Variants in MEGF10 observed in about 807,000 individuals in gnomAD.
MEGF10 encodes multiple epidermal growth factor-like domains protein 10.
In MEGF10, 86 loss-of-function variants were observed where a neutral mutation model predicts 147.5. The ratio of observed to expected loss-of-function variants is 0.58; its 90% CI spans 0.49 to 0.70. MEGF10 has a LOEUF of 0.70. Among genes scored for constraint, MEGF10 ranks in the 30% least tolerant of loss-of-function variants. The pLI, the probability that MEGF10 is intolerant of heterozygous loss-of-function variation, is 0.00. For synonymous variants in MEGF10, 478 were observed against 525.5 expected, an observed-to-expected ratio of 0.91 and a Z score of 1.24; for missense variants, 1,329 against 1,487.3, an observed-to-expected ratio of 0.89 and a Z score of 1.75.
intron 4 of MEGF10, among the ~76,000 whole-genome samples, chr5:127,358,337 G>A (rs1027832427): frequency 1.3e-5 from 2 of 152,146 alleles, no homozygotes; most frequent in African/African-American, 4.8e-5. Flanking sequence ...CTCTAATTAT[G>A]ACTTCCACTG....
intron 1 of MEGF10, among the ~76,000 whole-genome samples, chr5:127,326,150 A>G (rs1031449333): frequency 4.0e-5 from 6 of 151,800 alleles, no homozygotes; most frequent in African/African-American, 1.5e-4. Context: ...CCTGGGCTCA[A>G]GTCATCCTCC....
chr5:127,410,528 C>A lies in MEGF10; in HGVS notation c.1057C>A (p.Arg353Ser). Residue 353 changes from arginine (R) to serine (S), a missense_variant, in exon 9 of 25, where the codon CGC becomes AGC. Transcript: ENST00000503335. ...AGFAGERCEA[R>S]LCPEGLYGIK... ...CTTTGCTGGCGAGCGCTGCGAAGCA[C>A]GCCTGTGTCCTGAGGGGCTCTACGG... The A allele has an allele frequency of 6.2e-7, 1 of 1,613,724 alleles. No homozygotes were observed. Among genetic ancestry groups the A allele is most frequent in the Non-Finnish European group, 8.5e-7 (1 of 1,180,034 alleles).
intron 19 of MEGF10, among the ~76,000 whole-genome samples, chr5:127,445,043 A>G (rs72790438): frequency 0.1 from 15,356 of 152,268 alleles, 926 homozygotes; most frequent in Non-Finnish European, 0.13. Context: ...GGAAATATAT[A>G]AGAAGCTCTC....
At chr5:127,259,894 T>G in the MEGF10 span, among the ~76,000 whole-genome samples, 1,461 of 152,232 alleles carry the variant, frequency 9.6e-3, 18 homozygotes, top group African/African-American at 0.033. Flanking sequence ...CGGTGGCTCA[T>G]GCCTGTAATC....
the MEGF10 span, among the ~76,000 whole-genome samples, chr5:127,252,447 T>C: frequency 2.6e-5 from 4 of 151,862 alleles, no homozygotes; most frequent in African/African-American, 9.7e-5. Context: ...TTAAAAAGGA[T>C]GAAGTACATA....
chr5:127,422,732 C>G lies in MEGF10; in HGVS notation c.1653C>G (p.His551Gln). ...ACTGCAGCCACGCAGATGGCTGCCA[C>G]CCTACCACGGGCCATTGCCGCTGCC... ...RCDCSHADGCHPTTGHCRCLP... is the reference protein window; with the variant it reads ...RCDCSHADGCQPTTGHCRCLP... The change falls in exon 13 of 25, where the codon CAC (histidine) becomes CAG (glutamine). Residue 551 changes from histidine to glutamine, a missense_variant. By Grantham distance (24) the His-to-Gln change is conservative. This residue lies in a region of MEGF10 where 980 missense variants were observed against 1,085.9 expected (regional missense o/e 0.90). Transcript: ENST00000503335. The G allele has an allele frequency of 6.2e-7, 1 of 1,614,094 alleles. No individual in the cohort carries two copies. Among genetic ancestry groups the G allele is most frequent in the South Asian group, 1.1e-5 (1 of 91,080 alleles).
the MEGF10 span, among the ~76,000 whole-genome samples, chr5:127,270,625 A>C: frequency 8.7e-4 from 133 of 152,260 alleles, no homozygotes; most frequent in Non-Finnish European, 1.6e-3. Flanking sequence ...CTCCCACACA[A>C]TAATAATGGG....
the MEGF10 span, among the ~76,000 whole-genome samples, chr5:127,229,991 C>T: frequency 1.3e-5 from 2 of 152,142 alleles, no homozygotes; most frequent in Non-Finnish European, 2.9e-5. Context: ...AAAAGAGAGG[C>T]ATCAATAAGA....
intron 18 of MEGF10, 78 bp from the exon 19 acceptor site, chr5:127,442,920 G>T (rs1765808148): frequency 1.3e-6 from 2 of 1,490,140 alleles, no homozygotes; most frequent in South Asian, 2.5e-5. Context: ...AGCTCTAGAT[G>T]TGCAGGGCTT....
rs532395955 is a variant in MEGF10, at chr5:127,396,472, G to T, written c.413-60G>T. ...GTCACCAAGCCATTCTCCCCGAGAG[G>T]CGAAGAAATCTGGTTCTCCCTTACC... On this transcript the variant is annotated intron_variant, in intron 5 of 24. Transcript: ENST00000503335. 2.1e-5 allele frequency: 31 copies of T among 1,479,514 alleles called. No individual in the cohort carries two copies. The Admixed American group carries it at 5.7e-4, about 27-fold the overall frequency. The allele number at this position is 1,479,514 out of a possible 1,614,324, so 91.6% of individuals were successfully genotyped here.
intron 1 of MEGF10, among the ~76,000 whole-genome samples, chr5:127,329,768 A>G (rs1306013538): frequency 6.6e-6 from 1 of 152,160 alleles, no homozygotes; most frequent in Non-Finnish European, 1.5e-5. Context: ...TAATTAAGAA[A>G]TGGATCAGTG....
intron 4 of MEGF10, among the ~76,000 whole-genome samples, chr5:127,365,110 G>A (rs1176462595): frequency 6.6e-6 from 1 of 152,172 alleles, no homozygotes; most frequent in African/African-American, 2.4e-5. Context: ...TTTGCTCATA[G>A]CGTCAGAATA....
chr5:127,229,955 CA>C, the MEGF10 span: 9 of 151,804 alleles, frequency 5.9e-5, no homozygotes, highest in African/African-American at 2.2e-4. Flanking sequence ...TTCCTGAAAG[CA>C]AAAATGGGCA....
chr5:127,319,492 CT>C (rs1368073241), intron 1 of MEGF10, among the ~76,000 whole-genome samples: 1 of 152,108 alleles, frequency 6.6e-6, no homozygotes, highest in Non-Finnish European at 1.5e-5. Context: ...GTGCTGGGTG[CT>C]GTTTTAGGTA....
At chr5:127,367,084 T>C (rs1237249149) in intron 4 of MEGF10, among the ~76,000 whole-genome samples, 2 of 152,188 alleles carry the variant, frequency 1.3e-5, no homozygotes, top group Non-Finnish European at 2.9e-5. Flanking sequence ...TGGAACTCAA[T>C]TGGTGTCATC....
chr5:127,265,616 C>G, the MEGF10 span, among the ~76,000 whole-genome samples: 1 of 152,172 alleles, frequency 6.6e-6, no homozygotes, highest in African/African-American at 2.4e-5. Flanking sequence ...GCCATTCTAA[C>G]TGGTGTGGTA....
chr5:127,238,063 A>G, the MEGF10 span, among the ~76,000 whole-genome samples: 2 of 139,804 alleles, frequency 1.4e-5, no homozygotes, highest in East Asian at 2.2e-4. Context: ...ATATATATAT[A>G]TGTATATACT....
the MEGF10 span, among the ~76,000 whole-genome samples, chr5:127,254,356 G>C: frequency 6.6e-6 from 1 of 151,974 alleles, no homozygotes; most frequent in African/African-American, 2.4e-5. Context: ...AGCATTCACA[G>C]GTGAGTCTCA....
At position 127,427,741 on chromosome 5, in the gene MEGF10, G is replaced by A. The variant is rs1048886836; in HGVS notation, c.1693+4969G>A. 2.6e-5 allele frequency among the ~76,000 whole-genome samples: 4 copies of A among 152,176 alleles called. No homozygotes were observed. The South Asian group carries it at 8.3e-4, about 32-fold the overall frequency. ...GTGATGTCTCATGCAGCTAAGGGAT[G>A]CCTGAACTGTTAAAATAAGGGGAGA... On this transcript the variant is annotated intron_variant, in intron 13 of 24. Coordinates refer to ENST00000503335, the MANE Select transcript of MEGF10 (RefSeq NM_001256545.2).
Sources: allele counts gnomAD v4.1 joint callset (sites outside exome capture counted in the v4.1 genomes callset), GRCh38; gene constraint gnomAD v4.1.1; regional missense constraint gnomAD v4.1.1; transcripts MANE v1.5; gene names NCBI Gene and HGNC (gene_info 2026-07-23, HGNC 2026-07-21).